FER: variants seen among roughly 807,000 people sequenced by gnomAD.
FER encodes FER tyrosine kinase.
FER carries 63 observed loss-of-function variants against 111.0 expected under a neutral mutation model. That is an observed-to-expected ratio of 0.57 (90% CI 0.46 to 0.70). The LOEUF is 0.70. Ranked by LOEUF, FER falls within the 30% of genes least tolerant of loss-of-function variation. The probability of loss-of-function intolerance (pLI) is 0.00; values close to 1 mark genes in which losing one functional copy is unlikely to be tolerated. For synonymous variants in FER, 327 were observed against 313.9 expected, an observed-to-expected ratio of 1.04 and a Z score of -0.44; for missense variants, 914 against 954.0, an observed-to-expected ratio of 0.96 and a Z score of 0.55.
At chr5:108,948,898 T>A (rs1757359505) in intron 11 of FER, among the ~76,000 whole-genome samples, 1 of 152,064 alleles carries the variant, frequency 6.6e-6, no homozygotes, top group Non-Finnish European at 1.5e-5. Flanking sequence ...TTGGTCCAAA[T>A]GGTTTGTTCT....
At chr5:108,839,131 C>T (rs186915701) in intron 5 of FER, among the ~76,000 whole-genome samples, 325 of 152,268 alleles carry the variant, frequency 2.1e-3, no homozygotes, top group Non-Finnish European at 3.5e-3. Flanking sequence ...ATATCCACAG[C>T]TGTTCATGGC....
chr5:108,848,251 A>C (rs1397996874), intron 5 of FER, among the ~76,000 whole-genome samples: 1 of 152,212 alleles, frequency 6.6e-6, no homozygotes, highest in African/African-American at 2.4e-5. Flanking sequence ...TGTAAACAGC[A>C]TATAGTTATC....
chr5:109,081,551 AC>A (rs1458676848), intron 16 of FER, among the ~76,000 whole-genome samples: 2 of 152,050 alleles, frequency 1.3e-5, no homozygotes, highest in East Asian at 3.9e-4. Context: ...TTTATTTCAT[AC>A]CCTGAATGAT....
Position 108,855,849 on chromosome 5 carries a change from G to A in FER, c.482-11918G>A, listed in dbSNP as rs138992936. ...AAATGGGCTGGGTTTAAGAAAGAAG[G>A]AGAAAAAAGAAACTGGAGATAACTA... On this transcript the variant is annotated intron_variant, in intron 5 of 19. Transcript: ENST00000281092. Among the ~76,000 whole-genome samples the A allele has an allele frequency of 1.3e-4, 20 of 151,970 alleles. No individual in the cohort carries two copies. In the East Asian group the frequency reaches 3.9e-3, roughly 29 times the overall value.
chr5:109,079,437 T>C (rs114237560), intron 16 of FER, among the ~76,000 whole-genome samples: 75 of 152,268 alleles, frequency 4.9e-4, no homozygotes, highest in African/African-American at 1.7e-3. Flanking sequence ...TGCTCTGAAG[T>C]GTGGACTGAA....
rs1425389073 is a variant in FER at position 108,921,827 on chromosome 5, G to A, written c.1236+23979G>A. 3.3e-5 allele frequency among the ~76,000 whole-genome samples: 5 copies of A among 152,212 alleles called. No individual in the cohort carries two copies. The East Asian group carries it at 7.7e-4, about 23-fold the overall frequency. On this transcript the variant is annotated intron_variant, in intron 10 of 19. Coordinates refer to ENST00000281092, the MANE Select transcript of FER (RefSeq NM_005246.4). ...AATAGATGTTTATTTGACTAGAAAA[G>A]TATAAAGAGAGTGCCCCAGCAATTG...
rs1162875466 is a variant in FER, at chr5:108,898,358, CAT to C, written c.1236+512_1236+513del. ...ACCAACTTGAAATTCAACTTTATTT[CAT>C]AGTTTTATTAACTGTTTAAGAATGC... is the stretch of plus-strand genomic sequence containing the variant. On this transcript the variant is annotated intron_variant, in intron 10 of 19. Transcript: ENST00000281092. 3.9e-5 allele frequency among the ~76,000 whole-genome samples: 6 copies of C among 152,102 alleles called. No individual in the cohort carries two copies. The East Asian group carries it at 7.7e-4, about 20-fold the overall frequency.
In FER at chr5:108,821,307, G is replaced by T. The variant is rs71592770; in HGVS notation, c.208-11463G>T. Among the ~76,000 whole-genome samples, 1,132 of 151,988 alleles carry T rather than the reference G, an allele frequency of 7.4e-3. 7 individuals are homozygous for T. The highest frequency in any genetic ancestry group is 0.01 in the Non-Finnish European group (710 of 67,970). On this transcript the variant is annotated intron_variant, in intron 3 of 19. Coordinates refer to ENST00000281092, the MANE Select transcript of FER (RefSeq NM_005246.4). ...AGATAGGAACATGCTTATAAATCTG[G>T]ACACCAAGACATAAATGATCCGGGG...
At chr5:109,014,028 A>G (rs1410689623) in intron 13 of FER, among the ~76,000 whole-genome samples, 4 of 150,740 alleles carry the variant, frequency 2.7e-5, no homozygotes, top group East Asian at 3.9e-4. Flanking sequence ...CCCATTTTGT[A>G]GGTTGCCTGT....
chr5:109,183,248 G>GGTT lies in FER; in HGVS notation c.2203+2347_2203+2348insGTT, dbSNP rs139794738. On this transcript the variant is annotated intron_variant, in intron 18 of 19. Transcript: ENST00000281092. ...GAAGATTGACTCTAAATCCTAGCGT[G>GGTT]TTTTTTTTTTTTTTTTTTGAGATGG... Among the ~76,000 whole-genome samples, 3 of 115,666 alleles carry GGTT rather than the reference G, an allele frequency of 2.6e-5. 1 individual carries two copies. The South Asian group carries it at 8.7e-4, about 34-fold the overall frequency. 75.9% of individuals were successfully genotyped at this position (115,666 alleles called of 152,430 possible). A position where few individuals can be genotyped will look rare whatever the true frequency, so the allele number is the denominator to read the frequency against.
intron 17 of FER, among the ~76,000 whole-genome samples, chr5:109,101,122 ATTGT>A (rs1376839852): frequency 2.2e-4 from 34 of 152,058 alleles, no homozygotes; most frequent in South Asian, 8.3e-4. Flanking sequence ...TGCTTTATAC[ATTGT>A]GGTTTTAGTT....
At chr5:109,115,903 G>A (rs535296733) in intron 17 of FER, among the ~76,000 whole-genome samples, 3 of 152,084 alleles carry the variant, frequency 2.0e-5, no homozygotes, top group South Asian at 2.1e-4. Flanking sequence ...TGTGGTAGGC[G>A]TAGTGTTAGT....
Position 109,189,386 on chromosome 5 carries a change from C to T in FER, c.*1811C>T, listed in dbSNP as rs1759208296. The stretch of plus-strand genomic sequence containing the variant: ...GATAGAAAATGCCTCCTGCCCTCTC[C>T]AGCTGTTTGCTGCCTGTACCATCGC... On this transcript the variant is annotated 3_prime_UTR_variant, in exon 20 of 20. Coordinates refer to ENST00000281092, the MANE Select transcript of FER (RefSeq NM_005246.4). 1 of 152,218 alleles carries T rather than the reference C, an allele frequency of 6.6e-6. No homozygotes were observed. The highest frequency in any genetic ancestry group is 6.5e-5 in the Admixed American group (1 of 15,272). 9.4% of individuals were successfully genotyped at this position (152,218 alleles called of 1,614,324 possible). A position where few individuals can be genotyped will look rare whatever the true frequency, so the allele number is the denominator to read the frequency against.
At chr5:109,014,847 G>A (rs1207336338) in intron 13 of FER, 1 of 152,272 alleles carries the variant, frequency 6.6e-6, no homozygotes, top group Non-Finnish European at 1.5e-5. Context: ...AATATGGAAT[G>A]CTTAATGAAT....
intron 5 of FER, chr5:108,843,042 A>G (rs894987645): frequency 2.6e-5 from 4 of 152,252 alleles, no homozygotes; most frequent in East Asian, 1.9e-4. Context: ...TGTGGTGTAT[A>G]TAAGAGTGTA....
At chr5:109,082,797 T>C (rs1285119122) in intron 16 of FER, among the ~76,000 whole-genome samples, 1 of 152,006 alleles carries the variant, frequency 6.6e-6, no homozygotes, top group Non-Finnish European at 1.5e-5. Flanking sequence ...TGCCTTGAAA[T>C]GTCATCCATC....
intron 13 of FER, among the ~76,000 whole-genome samples, chr5:109,006,400 A>C (rs759505227): frequency 6.6e-6 from 1 of 152,138 alleles, no homozygotes; most frequent in Non-Finnish European, 1.5e-5. Context: ...GTTCCTCTGC[A>C]AGTGTTCTCT....
At chr5:108,773,384 C>A (rs1303640206) in intron 2 of FER, among the ~76,000 whole-genome samples, 3 of 152,060 alleles carry the variant, frequency 2.0e-5, no homozygotes, top group Non-Finnish European at 4.4e-5. Context: ...GGGTATTGTT[C>A]CCCTCCCTGT....
intron 5 of FER, among the ~76,000 whole-genome samples, chr5:108,848,185 A>G (rs1031216616): frequency 6.6e-6 from 1 of 152,088 alleles, no homozygotes; most frequent in African/African-American, 2.4e-5. Context: ...TGACCTATCT[A>G]TATTCTTTTT....
Sources: gnomAD v4.1 joint callset for allele counts (sites outside exome capture counted in the v4.1 genomes callset) on GRCh38, gnomAD v4.1.1 for gene constraint, MANE v1.5 for transcripts, NCBI Gene and HGNC (gene_info 2026-07-23, HGNC 2026-07-21) for gene names.